RBBP4: variants seen among roughly 807,000 people sequenced by gnomAD.
RBBP4 encodes histone-binding protein RBBP4.
In RBBP4, 3 loss-of-function variants were observed where a neutral mutation model predicts 57.2. That is an observed-to-expected ratio of 0.05 (90% CI 0.02 to 0.14). RBBP4 has a LOEUF of 0.14. RBBP4 is among the 10% of genes least tolerant of loss of function. The probability of loss-of-function intolerance (pLI) is 1.00; values close to 1 mark genes in which losing one functional copy is unlikely to be tolerated. For missense variants in RBBP4, 107 were observed against 520.6 expected (o/e 0.21, Z 7.73); for synonymous variants, 151 against 171.5 (o/e 0.88, Z 0.93).
rs771854989 is a variant in RBBP4 at position 32,651,265 on chromosome 1, G to C, written c.-42G>C. 9.3e-6 allele frequency: 14 copies of C among 1,506,486 alleles called. No homozygotes were observed. Among genetic ancestry groups the C allele is most frequent in the East Asian group, 2.8e-5 (1 of 35,820 alleles). 93.3% of individuals were successfully genotyped at this position (1,506,486 alleles called of 1,614,324 possible). A position where few individuals can be genotyped will look rare whatever the true frequency, so the allele number is the denominator to read the frequency against. Reference sequence around the variant, plus strand: ...CTCTTGCAGCCTCCCCGCCCCTCCCGCAACGCTCGACCCCAGGATTCCCCC... The same window carrying C: ...CTCTTGCAGCCTCCCCGCCCCTCCCCCAACGCTCGACCCCAGGATTCCCCC... On this transcript the variant is annotated 5_prime_UTR_variant, in exon 1 of 12. Transcript: ENST00000373493.
chr1:32,665,774 A>G (rs1257635844), intron 3 of RBBP4, among the ~76,000 whole-genome samples: 1 of 151,924 alleles, frequency 6.6e-6, no homozygotes, highest in Non-Finnish European at 1.5e-5. Context: ...CTTTGTGGAT[A>G]AGGTATTTGA....
chr1:32,657,206 C>T (rs1648182190), intron 2 of RBBP4, among the ~76,000 whole-genome samples: 1 of 152,086 alleles, frequency 6.6e-6, no homozygotes, highest in Admixed American at 6.6e-5. Flanking sequence ...AATCCGAGAG[C>T]CAGAGGTTGC....
At chr1:32,673,087 G>A (rs1421512989) in intron 11 of RBBP4, among the ~76,000 whole-genome samples, 186 bp downstream of exon 11, 14 of 152,022 alleles carry the variant, frequency 9.2e-5, no homozygotes, top group Admixed American at 9.2e-4. Context: ...CATACCACTG[G>A]TATTTTAAAC....
Position 32,669,755 on chromosome 1 carries a change from T to A in RBBP4, c.966+192T>A, listed in dbSNP as rs1023081799. Among the ~76,000 whole-genome samples, 3 of 152,096 alleles carry A rather than the reference T, an allele frequency of 2.0e-5. No homozygotes were observed. The highest frequency in any genetic ancestry group is 7.2e-5 in the African/African-American group (3 of 41,422). On this transcript the variant is annotated intron_variant, in intron 8 of 11. Transcript: ENST00000373493. The surrounding 1 kb of genome is among the most constrained non-coding windows in gnomAD (Gnocchi z 4.9). ...AATATAAAAAATTAGCCGGGCATGG[T>A]GGCGGATGCCCGTAGTCCCAGCTAC... is the stretch of plus-strand genomic sequence containing the variant.
Position 32,679,944 on chromosome 1 carries a change from C to T in RBBP4, c.*239C>T. ...TCAGGAATTTTCTAGTAACCCAGGT[C>T]TAAAGTAGCTACAGAAAGGGGAATA... is the stretch of plus-strand genomic sequence containing the variant. On this transcript the variant is annotated 3_prime_UTR_variant, in exon 12 of 12. Transcript: ENST00000373493. 7.8e-7 allele frequency: 1 copy of T among 1,282,000 alleles called. No individual in the cohort carries two copies. The highest frequency in any genetic ancestry group is 9.8e-7 in the Non-Finnish European group (1 of 1,017,042). 79.4% of individuals were successfully genotyped at this position (1,282,000 alleles called of 1,614,324 possible). A position where few individuals can be genotyped will look rare whatever the true frequency, so the allele number is the denominator to read the frequency against.
chr1:32,671,614 C>T (rs138445855), intron 8 of RBBP4, among the ~76,000 whole-genome samples: 5 of 151,898 alleles, frequency 3.3e-5, no homozygotes, highest in African/African-American at 9.7e-5. Flanking sequence ...CCTCCAGCTA[C>T]GCAGGAGGTT....
chr1:32,664,862 A>T (rs1432796348), intron 3 of RBBP4, among the ~76,000 whole-genome samples: 1 of 152,168 alleles, frequency 6.6e-6, no homozygotes, highest in African/African-American at 2.4e-5. Flanking sequence ...ATATAAAGCA[A>T]ACCACACAAA....
chr1:32,654,528 C>G (rs1034645978), intron 2 of RBBP4, among the ~76,000 whole-genome samples: 10 of 152,210 alleles, frequency 6.6e-5, no homozygotes, highest in Non-Finnish European at 1.0e-4. Flanking sequence ...TCTAGAACCC[C>G]TACTTTTCAG....
intron 2 of RBBP4, among the ~76,000 whole-genome samples, chr1:32,655,975 C>T (rs645094): frequency 0.86 from 131,155 of 152,044 alleles, 58,102 homozygotes; most frequent in Non-Finnish European, 0.96. Flanking sequence ...TGAGAATTTG[C>T]GTTTCTAACA....
intron 3 of RBBP4, among the ~76,000 whole-genome samples, chr1:32,662,939 G>A (rs1019720656): frequency 4.6e-5 from 7 of 151,982 alleles, no homozygotes; most frequent in African/African-American, 1.2e-4. Context: ...AGCCGAGATC[G>A]TGCTACTACT....
Position 32,651,275 on chromosome 1 carries a change from A to G in RBBP4, c.-32A>G, listed in dbSNP as rs1352111278. 6 of 1,499,912 alleles carry G rather than the reference A, an allele frequency of 4.0e-6. No homozygotes were observed. The highest frequency in any genetic ancestry group is 4.4e-6 in the Non-Finnish European group (5 of 1,124,906). 92.9% of individuals were successfully genotyped at this position (1,499,912 alleles called of 1,614,324 possible). On this transcript the variant is annotated 5_prime_UTR_variant, in exon 1 of 12. Transcript: ENST00000373493. Reference sequence around the variant, plus strand: ...CTCCCCGCCCCTCCCGCAACGCTCGACCCCAGGATTCCCCCGGCTCGCCTG... The same window carrying G: ...CTCCCCGCCCCTCCCGCAACGCTCGGCCCCAGGATTCCCCCGGCTCGCCTG...
intron 11 of RBBP4, chr1:32,673,408 C>G (rs1317693758): frequency 5.0e-6 from 2 of 400,182 alleles, no homozygotes; most frequent in Non-Finnish European, 9.6e-6. Flanking sequence ...CTATCTCTAT[C>G]TCAAAGAATG....
rs1020134810 is a variant in RBBP4 at position 32,682,840 on chromosome 1, G to A, written c.*3135G>A. On this transcript the variant is annotated 3_prime_UTR_variant, in exon 12 of 12. Coordinates refer to ENST00000373493, the MANE Select transcript of RBBP4 (RefSeq NM_005610.3). ...TAAAATTTATAGGCATCTGTATAATGTACAACTTGACACGGACTTTCTTTT... is the reference window on the plus strand; with the variant it reads ...TAAAATTTATAGGCATCTGTATAATATACAACTTGACACGGACTTTCTTTT... 7.9e-5 allele frequency: 12 copies of A among 152,114 alleles called. No homozygotes were observed. The highest frequency in any genetic ancestry group is 1.9e-4 in the East Asian group (1 of 5,188). 9.4% of individuals were successfully genotyped at this position (152,114 alleles called of 1,614,324 possible).
intron 8 of RBBP4, among the ~76,000 whole-genome samples, chr1:32,670,695 C>T (rs1397862954): frequency 6.6e-6 from 1 of 152,170 alleles, no homozygotes; most frequent in Non-Finnish European, 1.5e-5. Flanking sequence ...GCCTCAGCCT[C>T]CCAAAGTGCT....
Position 32,680,837 on chromosome 1 carries a change from T to G in RBBP4, c.*1132T>G, listed in dbSNP as rs1649386264. On this transcript the variant is annotated 3_prime_UTR_variant, in exon 12 of 12. Transcript: ENST00000373493. ...TCCTTCCCAGGGAAAGTGAAAGACA[T>G]AAAACACTGAATCAGAGGTGGCACA... 8.2e-6 allele frequency: 3 copies of G among 364,308 alleles called. No homozygotes were observed. In the South Asian group the frequency reaches 2.6e-4, roughly 31 times the overall value. The allele number at this position is 364,308 out of a possible 1,614,324, so 22.6% of individuals were successfully genotyped here. A position where few individuals can be genotyped will look rare whatever the true frequency, so the allele number is the denominator to read the frequency against.
chr1:32,662,182 G>GT (rs1648451465), intron 3 of RBBP4: 13 of 318,870 alleles, frequency 4.1e-5, no homozygotes, highest in Non-Finnish European at 7.7e-5. Flanking sequence ...CCGCGCCCGG[G>GT]TTTTTTTGTT....
chr1:32,679,773 C>A lies in RBBP4; in HGVS notation c.*68C>A. 1.3e-6 allele frequency: 2 copies of A among 1,597,768 alleles called. No homozygotes were observed. Among genetic ancestry groups the A allele is most frequent in the Non-Finnish European group, 1.7e-6 (2 of 1,173,548 alleles). On this transcript the variant is annotated 3_prime_UTR_variant, in exon 12 of 12. Transcript: ENST00000373493. ...TCTCAACCCTGAGAGTGATTTAACACTGGTTTTGAGACAGACTTTATTCAG... is the reference window on the plus strand; with the variant it reads ...TCTCAACCCTGAGAGTGATTTAACAATGGTTTTGAGACAGACTTTATTCAG...
At chr1:32,659,773 A>G (rs1272944342) in intron 3 of RBBP4, among the ~76,000 whole-genome samples, 3 of 152,160 alleles carry the variant, frequency 2.0e-5, no homozygotes, top group African/African-American at 7.2e-5. Context: ...TATCTTTGTT[A>G]GTAGATGGAG....
Position 32,672,672 on chromosome 1 carries a change from T to C in RBBP4, c.1074T>C (p.Asp358=). 1.2e-6 allele frequency: 2 copies of C among 1,614,124 alleles called. No individual in the cohort carries two copies. The highest frequency in any genetic ancestry group is 1.1e-5 in the South Asian group (1 of 91,088). Residue 358 remains aspartate (D), a synonymous_variant, in exon 10 of 12, where the codon GAT becomes GAC. Transcript: ENST00000373493. ...SKIGEEQSPE[D]AEDGPPELLF... Reference sequence around the variant, plus strand: ...TTGGAGAGGAACAATCCCCAGAAGATGCAGAAGACGGGCCACCAGAGTTGT... The same window carrying C: ...TTGGAGAGGAACAATCCCCAGAAGACGCAGAAGACGGGCCACCAGAGTTGT...
Sources: allele counts gnomAD v4.1 joint callset (sites outside exome capture counted in the v4.1 genomes callset), GRCh38; gene constraint gnomAD v4.1.1; non-coding constraint Gnocchi (gnomAD v3.1); transcripts MANE v1.5; gene names NCBI Gene and HGNC (gene_info 2026-07-23, HGNC 2026-07-21).